Variants in DPY19L3 observed in about 807,000 individuals in gnomAD.
DPY19L3 encodes dpy-19 like C-mannosyltransferase 3, also known as protein C-mannosyl-transferase DPY19L3.
In DPY19L3, 51 loss-of-function variants were observed where a neutral mutation model predicts 92.3. The observed-to-expected ratio is 0.55, with a 90% confidence interval of 0.44 to 0.70. DPY19L3 has a LOEUF of 0.70. Ranked by LOEUF, DPY19L3 falls within the 30% of genes least tolerant of loss-of-function variation. DPY19L3 has a pLI of 0.00. For synonymous variants in DPY19L3, 309 were observed against 315.2 expected, an observed-to-expected ratio of 0.98 and a Z score of 0.21; for missense variants, 706 against 855.9, an observed-to-expected ratio of 0.82 and a Z score of 2.18.
chr19:32,436,585 G>A lies in DPY19L3; in HGVS notation c.450+18G>A. On this transcript the variant is annotated intron_variant, in intron 5 of 18. Coordinates refer to ENST00000392250, the MANE Select transcript of DPY19L3 (RefSeq NM_001172774.2). ...CCATACAGGTATGTTTTGTGATATTGAATTATTAATATCAGATGAAAGTCA... is the reference window on the plus strand; with the variant it reads ...CCATACAGGTATGTTTTGTGATATTAAATTATTAATATCAGATGAAAGTCA... The A allele has an allele frequency of 6.9e-7, 1 of 1,449,742 alleles. No homozygotes were observed. The highest frequency in any genetic ancestry group is 9.2e-7 in the Non-Finnish European group (1 of 1,087,356). The allele number at this position is 1,449,742 out of a possible 1,614,324, so 89.8% of individuals were successfully genotyped here.
intron 8 of DPY19L3, among the ~76,000 whole-genome samples, chr19:32,441,266 A>G (rs775056376): frequency 6.6e-6 from 1 of 152,226 alleles, no homozygotes; most frequent in African/African-American, 2.4e-5. Flanking sequence ...ACTTGAGCCA[A>G]TAGCAATAGG....
At chr19:32,479,854 C>T (rs1022026305) in intron 17 of DPY19L3, among the ~76,000 whole-genome samples, 1 of 152,186 alleles carries the variant, frequency 6.6e-6, no homozygotes, top group African/African-American at 2.4e-5. Flanking sequence ...GCAGTGGGGT[C>T]TCTCAATTAG....
At chr19:32,432,334 T>G (rs115950073) in intron 3 of DPY19L3, among the ~76,000 whole-genome samples, 253 of 152,322 alleles carry the variant, frequency 1.7e-3, no homozygotes, top group African/African-American at 5.7e-3. Context: ...ATTCTTAGAA[T>G]AAAATGAAAA....
At chr19:32,428,820 A>AG (rs1026510779) in intron 3 of DPY19L3, among the ~76,000 whole-genome samples, 2 of 89,574 alleles carry the variant, frequency 2.2e-5, no homozygotes, top group Admixed American at 1.2e-4. Context: ...TTAGCTGTAC[A>AG]GTTTTTTTTT....
At chr19:32,422,629 A>AAC (rs66481682) in intron 3 of DPY19L3, among the ~76,000 whole-genome samples, 19,771 of 146,274 alleles carry the variant, frequency 0.14, 1,298 homozygotes, top group South Asian at 0.19. Flanking sequence ...AATCAGGAAA[A>AAC]ACACACACAC....
chr19:32,446,956 C>T lies in DPY19L3; in HGVS notation c.856-6189C>T, dbSNP rs375189978. On this transcript the variant is annotated intron_variant, in intron 8 of 18. Coordinates refer to ENST00000392250, the MANE Select transcript of DPY19L3 (RefSeq NM_001172774.2). ...GAATACTTACCAACAGACTATCTCC[C>T]GAGCCATAAAACAACGACAAACATA... Among the ~76,000 whole-genome samples, 72 of 151,996 alleles carry T rather than the reference C, an allele frequency of 4.7e-4. 1 individual carries two copies. In the East Asian group the frequency reaches 6.6e-3, roughly 14 times the overall value.
At chr19:32,408,018 G>T (rs1352650571) in intron 1 of DPY19L3, among the ~76,000 whole-genome samples, 199 bp from the exon 2 acceptor site, 8 of 152,114 alleles carry the variant, frequency 5.3e-5, no homozygotes, top group African/African-American at 1.9e-4. Flanking sequence ...TGTGGAAGTA[G>T]AGGCTACAGT....
At position 32,453,141 on chromosome 19, in the gene DPY19L3, G is replaced by A; in HGVS notation, c.856-4G>A. 1 of 1,613,580 alleles carries A rather than the reference G, an allele frequency of 6.2e-7. No individual in the cohort carries two copies. The highest frequency in any genetic ancestry group is 8.5e-7 in the Non-Finnish European group (1 of 1,179,904). Reference sequence around the variant, plus strand: ...TGTACTCATCTAATCTTTGGTTCTTGCAGGCGACATGGCTGTATGGAATAC... The same window carrying A: ...TGTACTCATCTAATCTTTGGTTCTTACAGGCGACATGGCTGTATGGAATAC... On this transcript the variant is annotated splice_region_variant and splice_polypyrimidine_tract_variant and intron_variant, in intron 8 of 18. Transcript: ENST00000392250.
chr19:32,447,455 G>A (rs1969535835), intron 8 of DPY19L3, among the ~76,000 whole-genome samples: 1 of 152,120 alleles, frequency 6.6e-6, no homozygotes, highest in Non-Finnish European at 1.5e-5. Context: ...CGGTGGCTCT[G>A]CCTATAATCC....
At chr19:32,409,737 G>C (rs1599579417) in intron 2 of DPY19L3, among the ~76,000 whole-genome samples, 1 of 152,208 alleles carries the variant, frequency 6.6e-6, no homozygotes, top group East Asian at 1.9e-4. Flanking sequence ...AATTTCCAGG[G>C]AACACAGGAT....
At chr19:32,470,833 T>C (rs897716338) in intron 16 of DPY19L3, among the ~76,000 whole-genome samples, 2 of 146,202 alleles carry the variant, frequency 1.4e-5, no homozygotes, top group Non-Finnish European at 3.0e-5. Flanking sequence ...GGATTTGCCT[T>C]GTTCCAAAAA....
chr19:32,469,365 G>A (rs1226899360), intron 16 of DPY19L3, among the ~76,000 whole-genome samples: 1 of 151,982 alleles, frequency 6.6e-6, no homozygotes, highest in Non-Finnish European at 1.5e-5. Flanking sequence ...GCCAGGCATG[G>A]TGGCAGGTGC....
intron 3 of DPY19L3, among the ~76,000 whole-genome samples, chr19:32,423,604 C>G (rs1968654416): frequency 6.6e-6 from 1 of 151,680 alleles, no homozygotes; most frequent in African/African-American, 2.4e-5. Context: ...TACTTTTGCA[C>G]CAGTCTAATA....
chr19:32,440,821 T>C (rs994463358), intron 8 of DPY19L3, among the ~76,000 whole-genome samples: 4 of 152,038 alleles, frequency 2.6e-5, no homozygotes, highest in African/African-American at 9.7e-5. Flanking sequence ...AATACTGATA[T>C]ATCTAAAAGA....
At chr19:32,415,645 G>C (rs1466469422) in intron 3 of DPY19L3, among the ~76,000 whole-genome samples, 1 of 152,170 alleles carries the variant, frequency 6.6e-6, no homozygotes, top group Non-Finnish European at 1.5e-5. Flanking sequence ...ATGGATTTGG[G>C]GAGAGCAAAA....
intron 12 of DPY19L3, among the ~76,000 whole-genome samples, chr19:32,459,309 C>T (rs1969967541): frequency 6.6e-6 from 1 of 152,180 alleles, no homozygotes. Flanking sequence ...GTTGAAGCTG[C>T]TGTCATTTGT....
intron 3 of DPY19L3, among the ~76,000 whole-genome samples, chr19:32,419,192 G>T (rs1248342688): frequency 6.9e-6 from 1 of 145,550 alleles, no homozygotes; most frequent in South Asian, 2.2e-4. Flanking sequence ...ACAGAGTCTC[G>T]CTGTGTCGCC....
At chr19:32,447,440 G>A (rs988340103) in intron 8 of DPY19L3, among the ~76,000 whole-genome samples, 7 of 152,114 alleles carry the variant, frequency 4.6e-5, no homozygotes, top group Admixed American at 1.3e-4. Context: ...TAGCTTGGTC[G>A]GGCACGGTGG....
chr19:32,438,986 T>A (rs1969237018), intron 6 of DPY19L3, 126 bp from the exon 7 acceptor site: 1 of 961,380 alleles, frequency 1.0e-6, no homozygotes, highest in Non-Finnish European at 1.6e-6. Flanking sequence ...GGACAATTAT[T>A]GAGAACCAGT....
Sources: gnomAD v4.1 joint callset for allele counts (sites outside exome capture counted in the v4.1 genomes callset) on GRCh38, gnomAD v4.1.1 for gene constraint, MANE v1.5 for transcripts, NCBI Gene and HGNC (gene_info 2026-07-23, HGNC 2026-07-21) for gene names.